The following OTUD7A variants were observed in gnomAD, a reference collection of about 807,000 sequenced individuals.
OTUD7A encodes the protein OTU domain-containing protein 7A.
Under a neutral mutation model 65.7 loss-of-function variants are expected in OTUD7A, and 12 were observed. That is an observed-to-expected ratio of 0.18 (90% CI 0.12 to 0.30). The LOEUF (loss-of-function observed/expected upper bound fraction) is 0.30. Ranked by LOEUF, OTUD7A falls within the 10% of genes least tolerant of loss-of-function variation. The pLI is 1.00. For missense variants in OTUD7A, 1,148 were observed against 1,304.8 expected, an observed-to-expected ratio of 0.88 and a Z score of 1.85; for synonymous variants, 641 against 586.3, an observed-to-expected ratio of 1.09 and a Z score of -1.35.
intron 1 of OTUD7A, among the ~76,000 whole-genome samples, chr15:31,799,419 A>G (rs958257537): frequency 3.9e-5 from 6 of 152,016 alleles, no homozygotes; most frequent in African/African-American, 1.4e-4. Context: ...TGAAGACATA[A>G]CCTCCAATGT....
chr15:31,796,196 C>G (rs60485995), intron 1 of OTUD7A, among the ~76,000 whole-genome samples: 241 of 17,234 alleles, frequency 0.014, 2 homozygotes, highest in African/African-American at 0.019. Context: ...CATTATCTAT[C>G]TATCTATCTA....
intron 3 of OTUD7A, among the ~76,000 whole-genome samples, chr15:31,581,681 G>C (rs1201048267): frequency 2.0e-5 from 3 of 152,148 alleles, no homozygotes; most frequent in African/African-American, 7.2e-5. Context: ...GCCATGGCTG[G>C]GATTTGAGAC....
At chr15:31,488,983 C>T (rs1248563877) in intron 10 of OTUD7A, among the ~76,000 whole-genome samples, 1 of 152,200 alleles carries the variant, frequency 6.6e-6, no homozygotes, top group Non-Finnish European at 1.5e-5. Context: ...CTGCAGCCTG[C>T]TGGGTTCTGC....
intron 12 of OTUD7A, among the ~76,000 whole-genome samples, chr15:31,485,824 A>G (rs2041228829): frequency 6.6e-6 from 1 of 152,166 alleles, no homozygotes; most frequent in African/African-American, 2.4e-5. Flanking sequence ...AAACCCTTCA[A>G]GCAAGTTCAA....
chr15:31,719,898 C>CA, intron 1 of OTUD7A, among the ~76,000 whole-genome samples: 1 of 152,118 alleles, frequency 6.6e-6, no homozygotes, highest in South Asian at 2.1e-4. Flanking sequence ...TCTGACCATA[C>CA]ACACTCCAGC....
Position 31,483,265 on chromosome 15 carries a change from A to G in OTUD7A, c.*29T>C, listed in dbSNP as rs1004797195. ...TGGAAAAGAAATCCTCGAAGGTAGA[A>G]CCTCGCCGCCCGCGCCGCGCCGCGC... is the stretch of plus-strand genomic sequence containing the variant. On this transcript the variant is annotated 3_prime_UTR_variant, in exon 13 of 13. Coordinates refer to ENST00000307050, the MANE Select transcript of OTUD7A (RefSeq NM_001382637.1). The G allele has an allele frequency of 3.8e-5, 41 of 1,076,472 alleles. No individual in the cohort carries two copies. In the East Asian group the frequency reaches 7.0e-4, roughly 18 times the overall value. The allele number at this position is 1,076,472 out of a possible 1,614,324, so 66.7% of individuals were successfully genotyped here.
At chr15:31,546,181 C>A (rs540105789) in intron 5 of OTUD7A, among the ~76,000 whole-genome samples, 1 of 152,264 alleles carries the variant, frequency 6.6e-6, no homozygotes, top group Non-Finnish European at 1.5e-5. Flanking sequence ...GGAACAAATT[C>A]CCTATGGATA....
At chr15:31,550,173 C>G (rs1255520768) in intron 5 of OTUD7A, among the ~76,000 whole-genome samples, 1 of 151,668 alleles carries the variant, frequency 6.6e-6, no homozygotes, top group East Asian at 1.9e-4. Context: ...CTGGACCAGT[C>G]TGGACTCTGT....
At chr15:31,503,525 C>A (rs2041506601) in intron 9 of OTUD7A, among the ~76,000 whole-genome samples, 166 bp downstream of exon 9, 1 of 152,232 alleles carries the variant, frequency 6.6e-6, no homozygotes, top group South Asian at 2.1e-4. Flanking sequence ...CAAGAACAAT[C>A]TCTGCTGCCA....
chr15:31,747,658 G>A (rs1233911151), intron 1 of OTUD7A, among the ~76,000 whole-genome samples: 2 of 152,180 alleles, frequency 1.3e-5, no homozygotes, highest in Non-Finnish European at 2.9e-5. Flanking sequence ...GCCAGTGTAG[G>A]AGGAATAATA....
intron 3 of OTUD7A, among the ~76,000 whole-genome samples, chr15:31,612,880 C>T (rs1268121069): frequency 6.6e-6 from 1 of 152,128 alleles, no homozygotes; most frequent in African/African-American, 2.4e-5. Flanking sequence ...CATCACACTA[C>T]CTGATTTCAA....
chr15:31,643,140 T>A (rs374291801), intron 3 of OTUD7A, among the ~76,000 whole-genome samples: 1 of 103,308 alleles, frequency 9.7e-6, no homozygotes, highest in Non-Finnish European at 2.3e-5. Context: ...CACAGATGCT[T>A]TAATTTTTAA....
Position 31,483,566 on chromosome 15 carries a change from C to T in OTUD7A, c.2530G>A (p.Ala844Thr). Residue 844 changes from alanine to threonine, a missense_variant, in exon 13 of 13, where the codon GCG (alanine) becomes ACG (threonine). Ala to Thr is a moderately conservative substitution (Grantham distance 58). Around this residue, in one of 6 missense-constraint regions of OTUD7A, gnomAD observed 842 missense variants for 769.5 expected, o/e 1.09. Coordinates refer to ENST00000307050, the MANE Select transcript of OTUD7A (RefSeq NM_001382637.1). ...ARAVPGALPG[A>T]AGTAGAAEHK... ...TCGGCCGCCCCCGCCGTCCCCGCCG[C>T]GCCCGGTAGGGCCCCGGGCACCGCG... 7.7e-7 allele frequency: 1 copy of T among 1,301,924 alleles called. No individual in the cohort carries two copies. The allele number at this position is 1,301,924 out of a possible 1,614,324, so 80.6% of individuals were successfully genotyped here. A position where few individuals can be genotyped will look rare whatever the true frequency, so the allele number is the denominator to read the frequency against.
chr15:31,602,990 A>T (rs12102147), intron 3 of OTUD7A, among the ~76,000 whole-genome samples: 50,417 of 151,742 alleles, frequency 0.33, 11,066 homozygotes, highest in African/African-American at 0.62. Context: ...ATAGGAAGAA[A>T]CAATATCATG....
At chr15:31,488,301 ACTT>A (rs996456501) in intron 10 of OTUD7A, among the ~76,000 whole-genome samples, 2 of 152,094 alleles carry the variant, frequency 1.3e-5, no homozygotes, top group South Asian at 2.1e-4. Flanking sequence ...TCATCACAAA[ACTT>A]CTGTGGTGAA....
At position 31,484,008 on chromosome 15, in the gene OTUD7A, GGCGGCGGCGGCGGCGGCGGCA is replaced by G. The variant is rs745417191; in HGVS notation, c.2067_2087del (p.Ala690_Ala696del). 6 of 111,564 alleles carry G rather than the reference GGCGGCGGCGGCGGCGGCGGCA, an allele frequency of 5.4e-5. No individual in the cohort carries two copies. The highest frequency in any genetic ancestry group is 8.8e-4 in the Admixed American group (1 of 1,136). The allele number at this position is 111,564 out of a possible 1,614,324, so 6.9% of individuals were successfully genotyped here. On this transcript the variant is annotated inframe_deletion, in exon 13 of 13. Coordinates refer to ENST00000307050, the MANE Select transcript of OTUD7A (RefSeq NM_001382637.1). The surrounding 1 kb of genome is among the most constrained non-coding windows in gnomAD (Gnocchi z 4.5). ...GTCTGCGCGGCGGCCGCTTGGCCGTGGCGGCGGCGGCGGCGGCGGCAGCGGCGGCCGCAGTAGCGGCGTCGC... is the reference window on the plus strand; with the variant it reads ...GTCTGCGCGGCGGCCGCTTGGCCGTGGCGGCGGCCGCAGTAGCGGCGTCGC...
intron 1 of OTUD7A, among the ~76,000 whole-genome samples, chr15:31,794,137 A>G (rs1299511887): frequency 6.6e-6 from 1 of 152,104 alleles, no homozygotes; most frequent in African/African-American, 2.4e-5. Context: ...ATTTTTCTCT[A>G]TATGGAAAAT....
intron 1 of OTUD7A, among the ~76,000 whole-genome samples, chr15:31,698,178 C>G (rs2141324991): frequency 6.6e-6 from 1 of 152,362 alleles, no homozygotes; most frequent in South Asian, 2.1e-4. Flanking sequence ...GGAATGGAAA[C>G]AGTCCCTTAT....
chr15:31,868,762 T>A (rs1567063679), intron 1 of OTUD7A, among the ~76,000 whole-genome samples: 1 of 152,180 alleles, frequency 6.6e-6, no homozygotes, highest in African/African-American at 2.4e-5. Flanking sequence ...CAGGCCCAAG[T>A]GAGACCCGCA....
Sources: gnomAD v4.1 joint callset for allele counts (sites outside exome capture counted in the v4.1 genomes callset) on GRCh38, gnomAD v4.1.1 for gene constraint, gnomAD v4.1.1 regional missense constraint, Gnocchi (gnomAD v3.1) non-coding constraint, MANE v1.5 for transcripts, NCBI Gene and HGNC (gene_info 2026-07-23, HGNC 2026-07-21) for gene names.